Variants in SYN2 observed in about 807,000 individuals in gnomAD.
The protein encoded by SYN2 is synapsin-2.
SYN2 carries 19 observed loss-of-function variants against 50.9 expected under a neutral mutation model. The observed-to-expected ratio is 0.37, with a 90% CI of 0.26 to 0.55. SYN2 has a LOEUF of 0.55. Among genes scored for constraint, SYN2 ranks in the 20% least tolerant of loss-of-function variants. The pLI, the probability that SYN2 is intolerant of heterozygous loss-of-function variation, is 0.81. For synonymous variants in SYN2, 255 were observed against 224.9 expected, an observed-to-expected ratio of 1.13 and a Z score of -1.20; for missense variants, 587 against 576.4, an observed-to-expected ratio of 1.02 and a Z score of -0.19.
At chr3:12,084,145 A>G (rs1695640373) in intron 1 of SYN2, among the ~76,000 whole-genome samples, 1 of 152,172 alleles carries the variant, frequency 6.6e-6, no homozygotes, top group Non-Finnish European at 1.5e-5. Flanking sequence ...TGTATTTTTT[A>G]TAATGTTAAG....
intron 1 of SYN2, among the ~76,000 whole-genome samples, chr3:12,059,223 G>A (rs1695061298): frequency 6.6e-6 from 1 of 152,170 alleles, no homozygotes; most frequent in Non-Finnish European, 1.5e-5. Flanking sequence ...GTTTTTATAG[G>A]CAGGAGTAAA....
At chr3:12,179,393 AAAAAG>A (rs1698171908) in intron 10 of SYN2, among the ~76,000 whole-genome samples, 1 of 151,496 alleles carries the variant, frequency 6.6e-6, no homozygotes, top group Non-Finnish European at 1.5e-5. Context: ...AAAAAAAAAA[AAAAAG>A]CATAAACGAA....
chr3:12,088,037 C>G (rs553899031), intron 1 of SYN2, among the ~76,000 whole-genome samples: 1 of 151,958 alleles, frequency 6.6e-6, no homozygotes. Context: ...ACCCCAGAAG[C>G]GCAGGCAACA....
intron 1 of SYN2, among the ~76,000 whole-genome samples, chr3:12,126,405 A>G (rs1163065039): frequency 2.6e-5 from 4 of 152,204 alleles, no homozygotes; most frequent in East Asian, 1.9e-4. Context: ...ATGCTGTACT[A>G]CCTTTGTTAA....
intron 1 of SYN2, among the ~76,000 whole-genome samples, chr3:12,039,663 G>C (rs1036026119): frequency 1.3e-5 from 2 of 150,554 alleles, no homozygotes; most frequent in Non-Finnish European, 2.9e-5. Flanking sequence ...TTTTGAAGGT[G>C]TGCCATGAGT....
intron 1 of SYN2, among the ~76,000 whole-genome samples, chr3:12,063,857 T>A (rs1695160326): frequency 6.6e-6 from 1 of 151,840 alleles, no homozygotes; most frequent in African/African-American, 2.4e-5. Context: ...GGAAAAAAAA[T>A]CTACCATGCA....
intron 1 of SYN2, among the ~76,000 whole-genome samples, chr3:12,111,409 T>G (rs979638118): frequency 6.6e-6 from 1 of 152,186 alleles, no homozygotes; most frequent in African/African-American, 2.4e-5. Flanking sequence ...ACTTACCTAA[T>G]GGGGTTGTGG....
chr3:12,115,532 T>C (rs1574948794), intron 1 of SYN2, among the ~76,000 whole-genome samples: 1 of 152,320 alleles, frequency 6.6e-6, no homozygotes, highest in South Asian at 2.1e-4. Flanking sequence ...TGAAACCTTC[T>C]AGGATTCAGG....
At chr3:12,025,165 A>G (rs1252360003) in intron 1 of SYN2, among the ~76,000 whole-genome samples, 2 of 151,526 alleles carry the variant, frequency 1.3e-5, no homozygotes, top group Admixed American at 6.6e-5. Context: ...CATTCCCATC[A>G]TGGGGGGGGA....
rs368532747 is a variant in SYN2 at position 12,145,849 on chromosome 3, C to T, written c.684+14C>T. Reference sequence around the variant, plus strand: ...AAGCCATGGGTGGTGAGTGAGGCCCCCTTCCCCCAAGTAAAAGGGTAGGAT... The same window carrying T: ...AAGCCATGGGTGGTGAGTGAGGCCCTCTTCCCCCAAGTAAAAGGGTAGGAT... On this transcript the variant is annotated intron_variant, in intron 4 of 12. Transcript: ENST00000621198. The T allele has an allele frequency of 1.7e-5, 28 of 1,613,262 alleles. No homozygotes were observed. Among genetic ancestry groups the T allele is most frequent in the Non-Finnish European group, 2.1e-5 (25 of 1,179,644 alleles).
intron 1 of SYN2, among the ~76,000 whole-genome samples, chr3:12,053,449 C>CAAAACAA (rs1694914639): frequency 6.7e-6 from 1 of 149,334 alleles, no homozygotes; most frequent in African/African-American, 2.6e-5. Flanking sequence ...CAAAACAAAA[C>CAAAACAA]AAAAAAATAT....
At chr3:12,087,547 A>AAT (rs1287977582) in intron 1 of SYN2, among the ~76,000 whole-genome samples, 1 of 152,100 alleles carries the variant, frequency 6.6e-6, no homozygotes, top group Non-Finnish European at 1.5e-5. Flanking sequence ...AAATCCCAGA[A>AAT]ATACCAGCCT....
chr3:12,176,394 C>T (rs1308160001), intron 10 of SYN2, among the ~76,000 whole-genome samples: 1 of 152,204 alleles, frequency 6.6e-6, no homozygotes, highest in African/African-American at 2.4e-5. Flanking sequence ...CTGAATTGCT[C>T]ATGCAGGAAT....
chr3:12,160,989 A>G (rs934462140), intron 5 of SYN2, among the ~76,000 whole-genome samples: 2 of 152,178 alleles, frequency 1.3e-5, no homozygotes, highest in African/African-American at 4.8e-5. Flanking sequence ...ATGGGCCTTC[A>G]CATGCAAAGC....
intron 1 of SYN2, among the ~76,000 whole-genome samples, chr3:12,019,277 G>T (rs1694080965): frequency 6.6e-6 from 1 of 152,178 alleles, no homozygotes; most frequent in Non-Finnish European, 1.5e-5. Flanking sequence ...GCAAATTGTT[G>T]TTGGCATCCC....
At chr3:12,148,881 A>G (rs1223403280) in intron 4 of SYN2, among the ~76,000 whole-genome samples, 1 of 152,118 alleles carries the variant, frequency 6.6e-6, no homozygotes, top group African/African-American at 2.4e-5. Flanking sequence ...TGCCAACAGC[A>G]CCCCCAGCTC....
At chr3:12,106,847 CAGAT>C (rs1194649804) in intron 1 of SYN2, among the ~76,000 whole-genome samples, 63 of 152,092 alleles carry the variant, frequency 4.1e-4, no homozygotes, top group Non-Finnish European at 5.1e-4. Flanking sequence ...TGATAGAGAA[CAGAT>C]AGGGTCTTCT....
At chr3:12,045,274 A>C (rs548521818) in intron 1 of SYN2, among the ~76,000 whole-genome samples, 3 of 152,282 alleles carry the variant, frequency 2.0e-5, no homozygotes, top group African/African-American at 7.2e-5. Flanking sequence ...ATTATAATAC[A>C]TGAGAACTGT....
intron 1 of SYN2, chr3:12,070,635 G>A (rs574292328): frequency 6.0e-5 from 82 of 1,367,672 alleles, no homozygotes; most frequent in Non-Finnish European, 8.0e-5. Flanking sequence ...GTCCATGTAC[G>A]TGGCCATCCA....
Sources: gnomAD v4.1 joint callset for allele counts (sites outside exome capture counted in the v4.1 genomes callset) on GRCh38, gnomAD v4.1.1 for gene constraint, MANE v1.5 for transcripts, NCBI Gene and HGNC (gene_info 2026-07-23, HGNC 2026-07-21) for gene names.